Variants in SLC49A4 observed in about 807,000 individuals in gnomAD.
The protein encoded by SLC49A4 is disrupted in renal cancer protein 2.
SLC49A4 carries 36 observed loss-of-function variants against 50.6 expected under a neutral mutation model. The ratio of observed to expected loss-of-function variants is 0.71; its 90% CI spans 0.55 to 0.94. SLC49A4 has a LOEUF of 0.94. SLC49A4 is among the 40% of genes least tolerant of loss of function. The probability of loss-of-function intolerance (pLI) is 0.00; values close to 1 mark genes in which losing one functional copy is unlikely to be tolerated. For synonymous variants in SLC49A4, 248 were observed against 241.2 expected (o/e 1.03, Z -0.26); for missense variants, 503 against 605.7 (o/e 0.83, Z 1.78).
chr3:122,860,878 G>A (rs1403459980), intron 7 of SLC49A4, among the ~76,000 whole-genome samples: 1 of 152,026 alleles, frequency 6.6e-6, no homozygotes, highest in Non-Finnish European at 1.5e-5. Context: ...GGTCTCACTG[G>A]GCTAAAATCA....
intron 5 of SLC49A4, among the ~76,000 whole-genome samples, chr3:122,854,991 G>C (rs902794911): frequency 6.6e-6 from 1 of 152,072 alleles, no homozygotes; most frequent in African/African-American, 2.4e-5. Flanking sequence ...TACTCAGGAG[G>C]CTGAGGCAGG....
At chr3:122,827,730 T>C (rs1936552813) in intron 3 of SLC49A4, among the ~76,000 whole-genome samples, 2 of 152,232 alleles carry the variant, frequency 1.3e-5, no homozygotes, top group South Asian at 2.1e-4. Context: ...GTTTACTATA[T>C]GCCAAGCACT....
chr3:122,808,775 A>T (rs933369318), intron 2 of SLC49A4, among the ~76,000 whole-genome samples: 1 of 152,210 alleles, frequency 6.6e-6, no homozygotes, highest in South Asian at 2.1e-4. Context: ...GTGAGAGATG[A>T]TGGTGGCTTG....
intron 7 of SLC49A4, among the ~76,000 whole-genome samples, chr3:122,861,055 C>T (rs1307319373): frequency 3.3e-5 from 5 of 152,152 alleles, no homozygotes; most frequent in Non-Finnish European, 7.3e-5. Flanking sequence ...ATCGTTACAT[C>T]TGCTTCTGAA....
intron 7 of SLC49A4, among the ~76,000 whole-genome samples, chr3:122,863,685 C>A (rs1216585031): frequency 6.6e-6 from 1 of 152,140 alleles, no homozygotes; most frequent in Non-Finnish European, 1.5e-5. Context: ...TTCTTTTTTA[C>A]TGGTCATTCC....
Position 122,826,942 on chromosome 3 carries a change from G to A in SLC49A4, c.580G>A (p.Gly194Arg), listed in dbSNP as rs1208686947. ...TGCATCAATGCTCAGTTATCTTGGG[G>A]GAGCATGTGCATTTTTAGTTGGACC... ...AIASMLSYLGGACAFLVGPLV... is the reference protein window; with the variant it reads ...AIASMLSYLGRACAFLVGPLV... The change falls in exon 3 of 9, where the codon GGA becomes AGA. Residue 194 changes from glycine (G) to arginine (R), a missense_variant. Transcript: ENST00000261038. The A allele has an allele frequency of 1.2e-6, 2 of 1,614,078 alleles. No homozygotes were observed. The highest frequency in any genetic ancestry group is 2.2e-5 in the East Asian group (1 of 44,898).
chr3:122,811,268 A>G (rs556255381), intron 2 of SLC49A4, among the ~76,000 whole-genome samples: 1 of 152,364 alleles, frequency 6.6e-6, no homozygotes, highest in South Asian at 2.1e-4. Flanking sequence ...AGAAGTTGAA[A>G]TATAAATGGC....
In SLC49A4 at chr3:122,795,204, C is replaced by A. The variant is rs888557121; in HGVS notation, c.12C>A (p.Arg4=). 42 of 1,329,060 alleles carry A rather than the reference C, an allele frequency of 3.2e-5. No homozygotes were observed. The highest frequency in any genetic ancestry group is 3.8e-5 in the Non-Finnish European group (40 of 1,049,602). 82.3% of individuals were successfully genotyped at this position (1,329,060 alleles called of 1,614,324 possible). The change falls in exon 1 of 9, where the codon CGC becomes CGA. Residue 4 remains arginine, a synonymous_variant. Transcript: ENST00000261038. The stretch of plus-strand genomic sequence containing the variant: ...GGCGACGCGTCGCCATGGGCTCTCG[C>A]TGGAGCAGCGAAGAGGAGAGGCAGC... The part of the protein sequence containing the change: MGS[R]WSSEEERQPL...
intron 2 of SLC49A4, among the ~76,000 whole-genome samples, chr3:122,823,297 A>G (rs1192984747): frequency 6.6e-6 from 1 of 152,218 alleles, no homozygotes; most frequent in Non-Finnish European, 1.5e-5. Context: ...TGGAGCTTAG[A>G]TGGAGTTGGA....
chr3:122,858,329 T>G (rs933759934), intron 6 of SLC49A4, among the ~76,000 whole-genome samples: 1 of 152,240 alleles, frequency 6.6e-6, no homozygotes, highest in African/African-American at 2.4e-5. Flanking sequence ...TGTTTTATTC[T>G]CTTATACCTT....
intron 4 of SLC49A4, among the ~76,000 whole-genome samples, chr3:122,839,387 A>G (rs1253327122): frequency 1.3e-5 from 2 of 152,134 alleles, no homozygotes; most frequent in Non-Finnish European, 2.9e-5. Context: ...ACAAAAATAA[A>G]CGGGACCTAA....
Position 122,826,844 on chromosome 3 carries a change from CT to C in SLC49A4, c.483del (p.Val162Ter). The C allele has an allele frequency of 6.2e-7, 1 of 1,614,124 alleles. No individual in the cohort carries two copies. Among genetic ancestry groups the C allele is most frequent in the Non-Finnish European group, 8.5e-7 (1 of 1,179,960 alleles). On this transcript the variant is annotated frameshift_variant, in exon 3 of 9. Transcript: ENST00000261038. LOFTEE classifies it high-confidence loss of function. ...ATGTTAAATGGATTGGCAGGTCCAA[CT>C]GTAATGAATGCAGCACCATTTCTCT... ...GQMLNGLAGP[T>X]VMNAAPFLST...
intron 2 of SLC49A4, among the ~76,000 whole-genome samples, chr3:122,826,292 C>CT (rs1036547774): frequency 6.6e-6 from 1 of 152,140 alleles, no homozygotes; most frequent in African/African-American, 2.4e-5. Context: ...TTGAGCTCAA[C>CT]TATAAGGCTG....
At chr3:122,846,370 A>G (rs1342656632) in intron 5 of SLC49A4, among the ~76,000 whole-genome samples, 2 of 152,204 alleles carry the variant, frequency 1.3e-5, no homozygotes, top group Non-Finnish European at 2.9e-5. Flanking sequence ...TGAGAGGTAA[A>G]TAGAAGAGAA....
In SLC49A4 at chr3:122,830,139, T is replaced by C. The variant is rs542351036; in HGVS notation, c.703+3074T>C. Reference sequence around the variant, plus strand: ...CTTAACAAATGAAGTGCAGAACTTATAATCTGAAGACTACCACTGTTGAAA... The same window carrying C: ...CTTAACAAATGAAGTGCAGAACTTACAATCTGAAGACTACCACTGTTGAAA... On this transcript the variant is annotated intron_variant, in intron 3 of 8. Transcript: ENST00000261038. Among the ~76,000 whole-genome samples, 9 of 152,344 alleles carry C rather than the reference T, an allele frequency of 5.9e-5. No individual in the cohort carries two copies. In the South Asian group the frequency reaches 1.9e-3, roughly 32 times the overall value.
intron 2 of SLC49A4, among the ~76,000 whole-genome samples, chr3:122,811,987 ACTCTGTT>A (rs1171251336): frequency 6.6e-6 from 1 of 151,652 alleles, no homozygotes; most frequent in East Asian, 1.9e-4. Context: ...TTTTGGAAAC[ACTCTGTT>A]GCCCAGGCTG....
chr3:122,844,998 T>C (rs571881289), intron 4 of SLC49A4, among the ~76,000 whole-genome samples: 2 of 152,224 alleles, frequency 1.3e-5, no homozygotes, highest in East Asian at 3.9e-4. Flanking sequence ...AGGGTACGTG[T>C]GCAGATTTGT....
At chr3:122,805,377 C>G (rs1936202491) in intron 1 of SLC49A4, among the ~76,000 whole-genome samples, 1 of 152,170 alleles carries the variant, frequency 6.6e-6, no homozygotes, top group Non-Finnish European at 1.5e-5. Context: ...ATGTCTGGAT[C>G]TCAAGTTTAT....
intron 2 of SLC49A4, among the ~76,000 whole-genome samples, chr3:122,816,649 G>A (rs1936371088): frequency 6.6e-6 from 1 of 152,198 alleles, no homozygotes; most frequent in Admixed American, 6.5e-5. Flanking sequence ...TTAGTCCAGA[G>A]TAAGCAGGTG....
Sources: gnomAD v4.1 joint callset for allele counts (sites outside exome capture counted in the v4.1 genomes callset) on GRCh38, gnomAD v4.1.1 for gene constraint, MANE v1.5 for transcripts, NCBI Gene and HGNC (gene_info 2026-07-23, HGNC 2026-07-21) for gene names.